FGD6: variants seen among roughly 807,000 people sequenced by gnomAD.
FGD6 encodes FYVE, RhoGEF and PH domain containing 6, also known as FYVE, RhoGEF and PH domain-containing protein 6.
A neutral mutation model predicts 149.4 loss-of-function variants in FGD6; 90 were observed. The ratio of observed to expected loss-of-function variants is 0.60; its 90% confidence interval spans 0.51 to 0.72. FGD6 has a LOEUF of 0.72. Among genes scored for constraint, FGD6 ranks in the 30% least tolerant of loss-of-function variants. The pLI is 0.00. For missense variants in FGD6, 1,437 were observed against 1,684.8 expected (o/e 0.85, Z 2.57); for synonymous variants, 527 against 584.0 (o/e 0.90, Z 1.41).
chr12:95,086,844 CTTT>C (rs35618842), intron 18 of FGD6, among the ~76,000 whole-genome samples: 1 of 92,900 alleles, frequency 1.1e-5, no homozygotes, highest in East Asian at 3.3e-4. Flanking sequence ...CCACACCGGC[CTTT>C]TTTTTTTTTT....
At chr12:95,106,655 G>A (rs1435011225) in intron 13 of FGD6, among the ~76,000 whole-genome samples, 1 of 152,020 alleles carries the variant, frequency 6.6e-6, no homozygotes, top group Non-Finnish European at 1.5e-5. Flanking sequence ...CAGCACTTTG[G>A]GAGGCCAAGG....
chr12:95,200,547 C>T (rs773677343), intron 2 of FGD6, among the ~76,000 whole-genome samples: 5 of 152,086 alleles, frequency 3.3e-5, no homozygotes, highest in Non-Finnish European at 5.9e-5. Flanking sequence ...AACACAGCAA[C>T]CTTACTCCAA....
In FGD6 at chr12:95,209,524, G is replaced by C; in HGVS notation, c.1760C>G (p.Thr587Ser). 6.2e-7 allele frequency: 1 copy of C among 1,614,010 alleles called. No homozygotes were observed. The highest frequency in any genetic ancestry group is 8.5e-7 in the Non-Finnish European group (1 of 1,179,986). ...SGNPEFLKSV[T>S]VSSNSEPSTA... The stretch of plus-strand genomic sequence containing the variant: ...TGAAGGCTCACTGTTTGACGATACG[G>C]TGACAGACTTTAAGAATTCTGGGTT... The change falls in exon 2 of 21, where the codon ACC becomes AGC. Residue 587 changes from threonine to serine, a missense_variant. Coordinates refer to ENST00000343958, the MANE Select transcript of FGD6 (RefSeq NM_018351.4).
chr12:95,092,585 T>C (rs970016252), intron 16 of FGD6, 114 bp downstream of exon 16: 4 of 1,062,110 alleles, frequency 3.8e-6, no homozygotes, highest in Non-Finnish European at 5.3e-6. Flanking sequence ...ATAATAATAA[T>C]AGTTATTGTT....
intron 2 of FGD6, among the ~76,000 whole-genome samples, chr12:95,194,834 G>A (rs1437909659): frequency 6.6e-6 from 1 of 152,142 alleles, no homozygotes; most frequent in Admixed American, 6.6e-5. Flanking sequence ...ACCATTAAGG[G>A]AAACTAGCTG....
intron 8 of FGD6, among the ~76,000 whole-genome samples, chr12:95,126,796 TG>T (rs147563792): frequency 0.012 from 1,874 of 151,030 alleles, 36 homozygotes; most frequent in African/African-American, 0.043. Flanking sequence ...GACGTGGTAG[TG>T]GGCACCCATA....
At chr12:95,162,100 CAA>C (rs762218917) in intron 3 of FGD6, among the ~76,000 whole-genome samples, 7 of 61,790 alleles carry the variant, frequency 1.1e-4, no homozygotes, top group South Asian at 6.2e-4. Context: ...CTGAAAAATA[CAA>C]AAAAAAAAAA....
intron 5 of FGD6, 136 bp downstream of exon 5, chr12:95,152,675 G>A: frequency 1.3e-6 from 1 of 759,720 alleles, no homozygotes. Context: ...CAGAAATCAT[G>A]TTATCTACAT....
At chr12:95,111,349 CTA>C (rs750897887) in intron 9 of FGD6, among the ~76,000 whole-genome samples, 27 of 152,188 alleles carry the variant, frequency 1.8e-4, no homozygotes. Context: ...GTTTTCTCAT[CTA>C]TGTCTTTGCT....
chr12:95,165,593 C>T (rs1880786150), intron 3 of FGD6, among the ~76,000 whole-genome samples: 1 of 151,876 alleles, frequency 6.6e-6, no homozygotes, highest in African/African-American at 2.4e-5. Context: ...CAGCCTCAGC[C>T]TCCCAAAGTG....
At position 95,079,677 on chromosome 12, in the gene FGD6, GA is replaced by G. The variant is rs551114426; in HGVS notation, c.*1842del. On this transcript the variant is annotated 3_prime_UTR_variant, in exon 21 of 21. Transcript: ENST00000343958. ...AAATTTTAGTGTACCTGCTATGACA[GA>G]AAGGGGATGGCATGTTAGGATTGTG... The G allele has an allele frequency of 4.7e-4, 71 of 152,246 alleles. No homozygotes were observed. Among genetic ancestry groups the G allele is most frequent in the African/African-American group, 1.7e-3 (69 of 41,552 alleles). 9.4% of individuals were successfully genotyped at this position (152,246 alleles called of 1,614,324 possible).
intron 3 of FGD6, among the ~76,000 whole-genome samples, chr12:95,170,468 C>A (rs1880959749): frequency 6.6e-6 from 1 of 151,830 alleles, no homozygotes; most frequent in South Asian, 2.1e-4. Context: ...ATAGTGAAAC[C>A]CCGTCTCTAC....
At chr12:95,206,716 G>T (rs997971738) in intron 2 of FGD6, among the ~76,000 whole-genome samples, 1 of 148,314 alleles carries the variant, frequency 6.7e-6, no homozygotes, top group Non-Finnish European at 1.5e-5. Context: ...AAAAAAAAAA[G>T]AAAAAGAAGT....
chr12:95,103,896 A>T (rs1200077977), intron 14 of FGD6, among the ~76,000 whole-genome samples: 1 of 152,192 alleles, frequency 6.6e-6, no homozygotes, highest in Non-Finnish European at 1.5e-5. Flanking sequence ...TCAAATATGT[A>T]TCCGTAAGAC....
At chr12:95,128,657 GAGA>G (rs1879420419) in intron 8 of FGD6, among the ~76,000 whole-genome samples, 1 of 152,216 alleles carries the variant, frequency 6.6e-6, no homozygotes, top group Non-Finnish European at 1.5e-5. Flanking sequence ...TTTAGGAATT[GAGA>G]AGGAGAAGGC....
intron 5 of FGD6, among the ~76,000 whole-genome samples, chr12:95,147,424 C>A (rs1386176706): frequency 6.6e-6 from 1 of 152,082 alleles, no homozygotes; most frequent in Non-Finnish European, 1.5e-5. Flanking sequence ...AGTTTCCAAT[C>A]TCCTTTAATA....
At chr12:95,153,077 C>T (rs1053118544) in intron 3 of FGD6, 84 bp from the exon 4 acceptor site, 1 of 1,206,074 alleles carries the variant, frequency 8.3e-7, no homozygotes, top group African/African-American at 1.5e-5. Flanking sequence ...AATTTTAACT[C>T]TGATACTTGT....
At chr12:95,097,577 A>T (rs534203849) in intron 14 of FGD6, among the ~76,000 whole-genome samples, 4 of 139,496 alleles carry the variant, frequency 2.9e-5, no homozygotes, top group African/African-American at 1.1e-4. Flanking sequence ...TGGTGGTTGC[A>T]GTGAGCTGAG....
At chr12:95,102,460 AAAAAAAAC>A (rs1565896308) in intron 14 of FGD6, among the ~76,000 whole-genome samples, 2 of 151,488 alleles carry the variant, frequency 1.3e-5, no homozygotes, top group Non-Finnish European at 3.0e-5. Flanking sequence ...AAAAAAAAAA[AAAAAAAAC>A]ACAACAACAA....
Sources: gnomAD v4.1 joint callset for allele counts (sites outside exome capture counted in the v4.1 genomes callset) on GRCh38, gnomAD v4.1.1 for gene constraint, MANE v1.5 for transcripts, NCBI Gene and HGNC (gene_info 2026-07-23, HGNC 2026-07-21) for gene names.